COPS7B: variants seen among roughly 807,000 people sequenced by gnomAD.
COPS7B encodes the protein COP9 signalosome subunit 7B, also known as COP9 signalosome complex subunit 7b.
In COPS7B, 9 loss-of-function variants were observed where a neutral mutation model predicts 33.4. The ratio of observed to expected loss-of-function variants is 0.27; its 90% CI spans 0.16 to 0.47. COPS7B has a LOEUF of 0.47. Among genes scored for constraint, COPS7B ranks in the 20% least tolerant of loss-of-function variants. COPS7B has a pLI of 0.99. For synonymous variants in COPS7B, 119 were observed against 126.3 expected, an observed-to-expected ratio of 0.94 and a Z score of 0.39; for missense variants, 242 against 318.2, an observed-to-expected ratio of 0.76 and a Z score of 1.82.
intron 2 of COPS7B, 45 bp from the exon 3 acceptor site, chr2:231,791,688 T>C: frequency 6.6e-7 from 1 of 1,516,504 alleles, no homozygotes. Context: ...CTACAGTGAT[T>C]GGTAGACAGT....
chr2:231,799,729 A>C (rs2049687449), intron 6 of COPS7B, among the ~76,000 whole-genome samples: 2 of 152,216 alleles, frequency 1.3e-5, no homozygotes, highest in Non-Finnish European at 2.9e-5. Context: ...GTGTGAATGG[A>C]GTTTGAAGTA....
chr2:231,790,575 A>T (rs2049383395), intron 2 of COPS7B: 1 of 152,136 alleles, frequency 6.6e-6, no homozygotes, highest in African/African-American at 2.4e-5. Context: ...CCTTTCAGTG[A>T]TCTGAAATTA....
chr2:231,796,065 G>A (rs1323670722), intron 4 of COPS7B, 41 bp from the exon 5 acceptor site: 3 of 1,579,878 alleles, frequency 1.9e-6, no homozygotes. Context: ...GCTAATGCTT[G>A]CCAGATGGTT....
chr2:231,791,326 T>C (rs559397001), intron 2 of COPS7B, among the ~76,000 whole-genome samples: 11 of 152,188 alleles, frequency 7.2e-5, no homozygotes, highest in Non-Finnish European at 1.6e-4. Context: ...AACCCTGAGC[T>C]TTGTTCACTT....
At chr2:231,790,617 T>A (rs1371585397) in intron 2 of COPS7B, 1 of 152,254 alleles carries the variant, frequency 6.6e-6, no homozygotes, top group Non-Finnish European at 1.5e-5. Context: ...TTATTTTTTT[T>A]AATGGCTAAA....
chr2:231,800,614 G>C (rs967341576), intron 6 of COPS7B, among the ~76,000 whole-genome samples: 9 of 152,174 alleles, frequency 5.9e-5, no homozygotes, highest in African/African-American at 2.2e-4. Context: ...GTAGACACTT[G>C]GCTAAAGTTT....
chr2:231,791,052 A>C (rs2049402294), intron 2 of COPS7B: 1 of 154,556 alleles, frequency 6.5e-6, no homozygotes, highest in African/African-American at 2.4e-5. Flanking sequence ...TTTGTGATTT[A>C]AACAACAACA....
Position 231,796,155 on chromosome 2 carries a change from G to C in COPS7B, c.377G>C (p.Arg126Pro). 1 of 1,614,096 alleles carries C rather than the reference G, an allele frequency of 6.2e-7. No individual in the cohort carries two copies. The highest frequency in any genetic ancestry group is 8.5e-7 in the Non-Finnish European group (1 of 1,179,990). ...LLKDLEMRNL[R>P]ELEDLIIEAV... ...AAAGACCTGGAGATGCGGAATCTCC[G>C]GGAACTAGAAGACCTTATCATTGAG... The change falls in exon 5 of 7, where the codon CGG becomes CCG. Residue 126 changes from arginine to proline, a missense_variant. Physicochemically the swap from Arg to Pro is moderately radical, Grantham distance 103. Coordinates refer to ENST00000350033, the MANE Select transcript of COPS7B (RefSeq NM_022730.4).
intron 6 of COPS7B, among the ~76,000 whole-genome samples, chr2:231,801,766 C>T (rs1184532272): frequency 6.6e-6 from 1 of 151,688 alleles, no homozygotes; most frequent in Non-Finnish European, 1.5e-5. Flanking sequence ...CCATGCCCAA[C>T]CTACTTTTCT....
At chr2:231,805,435 T>G (rs866574544) in intron 6 of COPS7B, among the ~76,000 whole-genome samples, 1 of 130,096 alleles carries the variant, frequency 7.7e-6, no homozygotes, top group Admixed American at 9.1e-5. Flanking sequence ...ATATATATTT[T>G]TTTTTAAATT....
rs766574018 is a variant in COPS7B at position 231,807,530 on chromosome 2, C to T, written c.680C>T (p.Ser227Leu). 1.1e-5 allele frequency: 17 copies of T among 1,613,736 alleles called. No homozygotes were observed. Among genetic ancestry groups the T allele is most frequent in the African/African-American group, 1.3e-5 (1 of 75,036 alleles). Residue 227 changes from serine (S) to leucine (L), a missense_variant, in exon 7 of 7, where the codon TCG (serine) becomes TTG (leucine). Physicochemically the swap from Ser to Leu is moderately radical, Grantham distance 145. Transcript: ENST00000350033. ...KKTLKATASS[S>L]AQEMEQQLAE... ...ACACTCAAAGCCACCGCATCCTCCTCGGCTCAGGAGATGGAGCAGCAGCTG... is the reference window on the plus strand; with the variant it reads ...ACACTCAAAGCCACCGCATCCTCCTTGGCTCAGGAGATGGAGCAGCAGCTG...
chr2:231,796,567 T>A (rs1328824188), intron 5 of COPS7B, among the ~76,000 whole-genome samples: 1 of 152,230 alleles, frequency 6.6e-6, no homozygotes, highest in Non-Finnish European at 1.5e-5. Context: ...AAGTGGGCTA[T>A]AAAATGCCCA....
intron 6 of COPS7B, chr2:231,801,130 C>A: frequency 2.6e-6 from 4 of 1,550,244 alleles, no homozygotes; most frequent in Non-Finnish European, 3.5e-6. Context: ...TTTATTTGTC[C>A]TTAAATTAGA....
At chr2:231,801,799 A>G (rs934770987) in intron 6 of COPS7B, among the ~76,000 whole-genome samples, 8 of 151,242 alleles carry the variant, frequency 5.3e-5, no homozygotes, top group African/African-American at 1.9e-4. Context: ...TGAGATGGAA[A>G]TTCACTCTGT....
Position 231,808,933 on chromosome 2 carries a change from G to A in COPS7B, c.*1288G>A, listed in dbSNP as rs893641598. The A allele has an allele frequency of 6.5e-6, 1 of 153,492 alleles. No homozygotes were observed. Among genetic ancestry groups the A allele is most frequent in the African/African-American group, 2.4e-5 (1 of 41,000 alleles). 9.5% of individuals were successfully genotyped at this position (153,492 alleles called of 1,614,324 possible). ...GTGTAGATTTAATGTATGTGACTGG[G>A]GTTTGGGGTTGCATACCTGGTGGAT... On this transcript the variant is annotated 3_prime_UTR_variant, in exon 7 of 7. Coordinates refer to ENST00000350033, the MANE Select transcript of COPS7B (RefSeq NM_022730.4).
chr2:231,782,207 CTT>C (rs772068175), upstream of COPS7B, among the ~76,000 whole-genome samples: 5 of 152,360 alleles, frequency 3.3e-5, no homozygotes, highest in South Asian at 2.1e-4. Flanking sequence ...AGTCTGGACT[CTT>C]TGCACCACAC....
intron 6 of COPS7B, 133 bp from the exon 7 acceptor site, chr2:231,807,354 C>T: frequency 3.3e-6 from 3 of 900,458 alleles, no homozygotes; most frequent in Non-Finnish European, 4.8e-6. Flanking sequence ...TTCTGCTCAT[C>T]TGGATTTCTG....
chr2:231,784,249 G>A (rs1004038761), upstream of COPS7B, among the ~76,000 whole-genome samples: 2 of 151,890 alleles, frequency 1.3e-5, no homozygotes, highest in Non-Finnish European at 2.9e-5. Flanking sequence ...TGGGAGCCAA[G>A]GTGGGAGGAT....
intron 1 of COPS7B, among the ~76,000 whole-genome samples, chr2:231,787,316 A>G (rs942014722): frequency 1.3e-5 from 2 of 152,240 alleles, no homozygotes; most frequent in African/African-American, 2.4e-5. Flanking sequence ...GCCTGCCAAC[A>G]CAAAACTTAG....
Sources: gnomAD v4.1 joint callset for allele counts (sites outside exome capture counted in the v4.1 genomes callset) on GRCh38, gnomAD v4.1.1 for gene constraint, MANE v1.5 for transcripts, NCBI Gene and HGNC (gene_info 2026-07-23, HGNC 2026-07-21) for gene names.